EPPK1: variants seen among roughly 807,000 people sequenced by gnomAD.
The protein encoded by EPPK1 is epiplakin.
For synonymous variants in EPPK1, 1,862 were observed against 1,721.2 expected (o/e 1.08, Z -2.03); for missense variants, 3,823 against 3,673.3 (o/e 1.04, Z -1.05).
chr8:143,866,574 G>C lies in EPPK1; in HGVS notation c.6680C>G (p.Ala2227Gly). 6.2e-7 allele frequency: 1 copy of C among 1,610,814 alleles called. No homozygotes were observed. The highest frequency in any genetic ancestry group is 8.5e-7 in the Non-Finnish European group (1 of 1,178,990). ...KRYLEGTSCI[A>G]GVLVPAKDQP... ...GTCCTTGGCGGGCACCAGGACGCCC[G>C]CGATGCAGCTGGTGCCCTCCAGGTA... Residue 2227 changes from alanine (A) to glycine (G), a missense_variant, in exon 2 of 2, where the codon GCG (alanine) becomes GGG (glycine). Ala to Gly is a moderately conservative substitution (Grantham distance 60). Transcript: ENST00000615648.
In EPPK1 at chr8:143,867,336, C is replaced by T. The variant is rs559701261; in HGVS notation, c.5918G>A (p.Arg1973Lys). ...ELRERLLKAERAATGYRDPAT... is the reference protein window; with the variant it reads ...ELRERLLKAEKAATGYRDPAT... ...CGGATCCCTGTAGCCCGTGGCAGCT[C>T]TTTCAGCCTTCAGGAGCCTCTCCCG... Residue 1973 changes from arginine (R) to lysine (K), a missense_variant, in exon 2 of 2, where the codon AGA (arginine) becomes AAA (lysine). Coordinates refer to ENST00000615648, the MANE Select transcript of EPPK1 (RefSeq NM_031308.4). 1 of 1,612,806 alleles carries T rather than the reference C, an allele frequency of 6.2e-7. No homozygotes were observed. The highest frequency in any genetic ancestry group is 8.5e-7 in the Non-Finnish European group (1 of 1,179,854).
Position 143,869,183 on chromosome 8 carries a change from CT to C in EPPK1, c.4070del (p.Gln1357ArgfsTer37). 1 of 1,609,034 alleles carries C rather than the reference CT, an allele frequency of 6.2e-7. No homozygotes were observed. The highest frequency in any genetic ancestry group is 1.3e-5 in the African/African-American group (1 of 75,048). On this transcript the variant is annotated frameshift_variant, in exon 2 of 2. Transcript: ENST00000615648. LOFTEE classifies it low-confidence loss of function (END_TRUNC). ...CCACACCCCCTGTGGCCAGCTGCAC[CT>C]GCAGGAGGGGCAAGCCCTCGTTCTG... Reference protein sequence around the residue: ...VPQNEGLPLLQVQLATGGVVD... With the variant: ...VPQNEGLPLLXVQLATGGVVD...
Position 143,866,721 on chromosome 8 carries a change from C to T in EPPK1, c.6533G>A (p.Arg2178Lys). 1.9e-6 allele frequency: 3 copies of T among 1,613,454 alleles called. No homozygotes were observed. Among genetic ancestry groups the T allele is most frequent in the East Asian group, 2.2e-5 (1 of 44,886 alleles). The stretch of plus-strand genomic sequence containing the variant: ...GAGTTCAGAAGCTGTGATCTGTCGT[C>T]TAATTCCTTGGAACCACAGGTGTTT... ...SNKHLWFQGI[R>K]RQITASELLS... is the part of the protein sequence containing the mutation. The change falls in exon 2 of 2, where the codon AGA becomes AAA. Residue 2178 changes from arginine to lysine, a missense_variant. Transcript: ENST00000615648.
chr8:143,866,414 C>A lies in EPPK1; in HGVS notation c.6840G>T (p.Arg2280Ser). The A allele has an allele frequency of 8.5e-7, 1 of 1,181,692 alleles. No homozygotes were observed. The highest frequency in any genetic ancestry group is 1.6e-5 in the South Asian group (1 of 64,212). The allele number at this position is 1,181,692 out of a possible 1,614,324, so 73.2% of individuals were successfully genotyped here. The change falls in exon 2 of 2, where the codon AGG becomes AGT. Residue 2280 changes from arginine (R) to serine (S), a missense_variant. By Grantham distance (110) the Arg-to-Ser change is moderately radical. Transcript: ENST00000615648. ...CGGCCACGGCCTCCTCCACCGACAG[C>A]CTCAGGTTGCGCACGGGGTCGATGA... ...GFVIDPVRNL[R>S]LSVEEAVAAG...
In EPPK1 at chr8:143,867,163, A is replaced by AG. The variant is rs1334731554; in HGVS notation, c.6090dup (p.Tyr2031LeufsTer67). 1.3e-5 allele frequency: 21 copies of AG among 1,612,668 alleles called. No homozygotes were observed. The highest frequency in any genetic ancestry group is 3.3e-5 in the Admixed American group (2 of 60,010). ...TCCTTGTGCAGACAGCCCCGTCTGT[A>AG]GGCTGTTTCCAGTGGGAGCCGGTGG... On this transcript the variant is annotated frameshift_variant, in exon 2 of 2. Transcript: ENST00000615648. LOFTEE classifies it low-confidence loss of function (END_TRUNC).
chr8:143,866,648 C>A lies in EPPK1; in HGVS notation c.6606G>T (p.Thr2202=), dbSNP rs373331126. 2 of 1,612,956 alleles carry A rather than the reference C, an allele frequency of 1.2e-6. No homozygotes were observed. The highest frequency in any genetic ancestry group is 2.2e-5 in the South Asian group (2 of 91,094). Residue 2202 remains threonine (T), a synonymous_variant, in exon 2 of 2, where the codon ACG becomes ACT. Coordinates refer to ENST00000615648, the MANE Select transcript of EPPK1 (RefSeq NM_031308.4). Reference sequence around the variant, plus strand: ...TGAGCTCTTGCGTCGTGCTCCGTCCCGTTTCCAGGTCCTGGAGCATTTCCT... The same window carrying A: ...TGAGCTCTTGCGTCGTGCTCCGTCCAGTTTCCAGGTCCTGGAGCATTTCCT... ...ITEEMLQDLE[T]GRSTTQELME... is the part of the protein sequence containing the mutation.
chr8:143,867,494 C>T lies in EPPK1; in HGVS notation c.5760G>A (p.Glu1920=). Residue 1920 remains glutamate, a synonymous_variant, in exon 2 of 2, where the codon GAG becomes GAA. Transcript: ENST00000615648. ...VMSLHEASRK[E]LIPAAFATWL... The stretch of plus-strand genomic sequence containing the variant: ...AAGTCGCAAATGCTGCAGGGATGAG[C>T]TCCTTCCTGCTGGCCTCATGGAGGC... The T allele has an allele frequency of 6.2e-7, 1 of 1,612,648 alleles. No homozygotes were observed. The highest frequency in any genetic ancestry group is 8.5e-7 in the Non-Finnish European group (1 of 1,179,820).
rs1554661605 is a variant in EPPK1, at chr8:143,872,530, C to A, written c.724G>T (p.Val242Leu). 3 of 1,601,652 alleles carry A rather than the reference C, an allele frequency of 1.9e-6. No individual in the cohort carries two copies. The change falls in exon 2 of 2, where the codon GTG becomes TTG. Residue 242 changes from valine (V) to leucine (L), a missense_variant. Val to Leu is a conservative substitution (Grantham distance 32). Transcript: ENST00000615648. Reference protein sequence around the residue: ...KITFRSMGGAVSAAELLEVGI... With the variant: ...KITFRSMGGALSAAELLEVGI... ...ACCTCCAGCAGCTCAGCTGCACTCA[C>A]CGCCCCGCCCATGGAGCGGAAGGTG...
rs1819379678 is a variant in EPPK1, at chr8:143,872,278, G to A, written c.976C>T (p.His326Tyr). The change falls in exon 2 of 2, where the codon CAC becomes TAC. Residue 326 changes from histidine (H) to tyrosine (Y), a missense_variant. By Grantham distance (83) the His-to-Tyr change is moderately conservative. Transcript: ENST00000615648. ...CCTGTGATGGGGTCCACCAGGGTGTGGGTGGCAGCCTGGGCCTCTAGGAGT... is the reference window on the plus strand; with the variant it reads ...CCTGTGATGGGGTCCACCAGGGTGTAGGTGGCAGCCTGGGCCTCTAGGAGT... ...LPLLEAQAAT[H>Y]TLVDPITGQR... 1.2e-6 allele frequency: 2 copies of A among 1,606,036 alleles called. No individual in the cohort carries two copies. Among genetic ancestry groups the A allele is most frequent in the Admixed American group, 3.4e-5 (2 of 59,556 alleles).
rs782435054 is a variant in EPPK1, at chr8:143,868,379, C to T, written c.4875G>A (p.Val1625=). 2.5e-6 allele frequency: 4 copies of T among 1,612,724 alleles called. No homozygotes were observed. In the African/African-American group the frequency reaches 5.3e-5, roughly 22 times the overall value. The part of the protein sequence containing the change: ...IDPVENRKLT[V]EEAFKAGMFG... ...ACATTCCTGCTTTGAACGCCTCCTC[C>T]ACGGTCAGCTTCCGGTTCTCCACGG... Residue 1625 remains valine (V), a synonymous_variant, in exon 2 of 2, where the codon GTG becomes GTA. Coordinates refer to ENST00000615648, the MANE Select transcript of EPPK1 (RefSeq NM_031308.4).
chr8:143,867,310 C>G lies in EPPK1; in HGVS notation c.5944G>C (p.Ala1982Pro). 1 of 1,612,560 alleles carries G rather than the reference C, an allele frequency of 6.2e-7. No individual in the cohort carries two copies. The highest frequency in any genetic ancestry group is 8.5e-7 in the Non-Finnish European group (1 of 1,179,712). ...AACAGCGGGATCGTGTCTCCTGTGGCCGGATCCCTGTAGCCCGTGGCAGCT... is the reference window on the plus strand; with the variant it reads ...AACAGCGGGATCGTGTCTCCTGTGGGCGGATCCCTGTAGCCCGTGGCAGCT... ...ERAATGYRDP[A>P]TGDTIPLFQA... The change falls in exon 2 of 2, where the codon GCC (alanine) becomes CCC (proline). Residue 1982 changes from alanine to proline, a missense_variant. Transcript: ENST00000615648.
chr8:143,870,437 G>C lies in EPPK1; in HGVS notation c.2817C>G (p.Pro939=). ...GGTAGAGGCTGAGCCGCTGGCCAGA[G>C]GGCAGCAGCCGCACACCGCCCACAG... ...LGAVGGVRLL[P]SGQRLSLYQA... is the part of the protein sequence containing the mutation. The change falls in exon 2 of 2, where the codon CCC becomes CCG. Residue 939 remains proline (P), a synonymous_variant. Coordinates refer to ENST00000615648, the MANE Select transcript of EPPK1 (RefSeq NM_031308.4). This position sits in a 1 kb window ranked among gnomAD's most constrained non-coding sequence, Gnocchi z 5.2. The C allele has an allele frequency of 6.3e-7, 1 of 1,597,814 alleles. No homozygotes were observed.
chr8:143,872,241 C>A lies in EPPK1; in HGVS notation c.1013G>T (p.Trp338Leu). ...LVDPITGQRL[W>L]VDEAVRAGLV... is the part of the protein sequence containing the mutation. ...GCCCGCCCTGACTGCCTCGTCTACC[C>A]ACAGCCGCTGGCCTGTGATGGGGTC... The change falls in exon 2 of 2, where the codon TGG becomes TTG. Residue 338 changes from tryptophan (W) to leucine (L), a missense_variant. By Grantham distance (61) the Trp-to-Leu change is moderately conservative (BLOSUM62 -2). Coordinates refer to ENST00000615648, the MANE Select transcript of EPPK1 (RefSeq NM_031308.4). The A allele has an allele frequency of 6.2e-7, 1 of 1,609,952 alleles. No individual in the cohort carries two copies.
At position 143,868,717 on chromosome 8, in the gene EPPK1, C is replaced by T. The variant is rs781881083; in HGVS notation, c.4537G>A (p.Glu1513Lys). Reference protein sequence around the residue: ...SAVTTLVEAAERQPLQATFRG... With the variant: ...SAVTTLVEAAKRQPLQATFRG... ...AAGGTGGCCTGCAGGGGCTGCCTCT[C>T]TGCAGCCTCGACCAGGGTGGTGACT... Residue 1513 changes from glutamate to lysine, a missense_variant, in exon 2 of 2, where the codon GAG becomes AAG. Physicochemically the swap from Glu to Lys is moderately conservative, Grantham distance 56. Coordinates refer to ENST00000615648, the MANE Select transcript of EPPK1 (RefSeq NM_031308.4). The T allele has an allele frequency of 3.2e-6, 5 of 1,579,662 alleles. No individual in the cohort carries two copies. The highest frequency in any genetic ancestry group is 2.3e-5 in the South Asian group (2 of 87,254).
At position 143,867,330 on chromosome 8, in the gene EPPK1, G is replaced by A; in HGVS notation, c.5924C>T (p.Ala1975Val). 6.2e-7 allele frequency: 1 copy of A among 1,612,724 alleles called. No individual in the cohort carries two copies. Among genetic ancestry groups the A allele is most frequent in the South Asian group, 1.1e-5 (1 of 91,076 alleles). ...TGTGGCCGGATCCCTGTAGCCCGTG[G>A]CAGCTCTTTCAGCCTTCAGGAGCCT... is the stretch of plus-strand genomic sequence containing the variant. ...RERLLKAERAATGYRDPATGD... is the reference protein window; with the variant it reads ...RERLLKAERAVTGYRDPATGD... Residue 1975 changes from alanine to valine, a missense_variant, in exon 2 of 2, where the codon GCC (alanine) becomes GTC (valine). Ala to Val is a moderately conservative substitution (Grantham distance 64, BLOSUM62 0). Coordinates refer to ENST00000615648, the MANE Select transcript of EPPK1 (RefSeq NM_031308.4).
At position 143,870,312 on chromosome 8, in the gene EPPK1, C is replaced by A; in HGVS notation, c.2942G>T (p.Ser981Ile). Residue 981 changes from serine to isoleucine, a missense_variant, in exon 2 of 2, where the codon AGC becomes ATC. Ser to Ile is a moderately radical substitution (Grantham distance 142). Coordinates refer to ENST00000615648, the MANE Select transcript of EPPK1 (RefSeq NM_031308.4). The surrounding 1 kb of genome is among the most constrained non-coding windows in gnomAD (Gnocchi z 5.2). ...GCGCACGGCCTCATCCACCGAGAGGCTCTCTGGGCTGTGAGGGTCCATGAT... is the reference window on the plus strand; with the variant it reads ...GCGCACGGCCTCATCCACCGAGAGGATCTCTGGGCTGTGAGGGTCCATGAT... ...GTIMDPHSPE[S>I]LSVDEAVRRG... 1 of 1,573,206 alleles carries A rather than the reference C, an allele frequency of 6.4e-7. No individual in the cohort carries two copies. The highest frequency in any genetic ancestry group is 8.6e-7 in the Non-Finnish European group (1 of 1,165,436).
chr8:143,875,422 C>T (rs1362465829), intron 1 of EPPK1, among the ~76,000 whole-genome samples: 1 of 152,262 alleles, frequency 6.6e-6, no homozygotes, highest in Non-Finnish European at 1.5e-5. Context: ...CTCAGAGCCT[C>T]AGACACGGAG....
rs782024887 is a variant in EPPK1, at chr8:143,870,060, T to A, written c.3194A>T (p.Gln1065Leu). ...HHHLPMPVAIQRGYVDQEMET... is the reference protein window; with the variant it reads ...HHHLPMPVAILRGYVDQEMET... ...CATCTCCTGGTCAACATAGCCACGC[T>A]GAATGGCCACTGGCATGGGGAGGTG... is the stretch of plus-strand genomic sequence containing the variant. Residue 1065 changes from glutamine to leucine, a missense_variant, in exon 2 of 2, where the codon CAG becomes CTG. Transcript: ENST00000615648. This position sits in a 1 kb window ranked among gnomAD's most constrained non-coding sequence, Gnocchi z 5.2. 1.2e-6 allele frequency: 2 copies of A among 1,610,664 alleles called. No individual in the cohort carries two copies. The highest frequency in any genetic ancestry group is 3.4e-5 in the Admixed American group (2 of 59,676).
chr8:143,869,157 A>G lies in EPPK1; in HGVS notation c.4097T>C (p.Val1366Ala). 6.2e-7 allele frequency: 1 copy of G among 1,606,938 alleles called. No homozygotes were observed. Among genetic ancestry groups the G allele is most frequent in the Non-Finnish European group, 8.5e-7 (1 of 1,179,406 alleles). The change falls in exon 2 of 2, where the codon GTG becomes GCG. Residue 1366 changes from valine to alanine, a missense_variant. Transcript: ENST00000615648. ...CAGGTGCACCCCGTGGACAGGGTCC[A>G]CCACACCCCCTGTGGCCAGCTGCAC... ...LQVQLATGGV[V>A]DPVHGVHLPQ... is the part of the protein sequence containing the mutation.
Sources: allele counts gnomAD v4.1 joint callset (sites outside exome capture counted in the v4.1 genomes callset), GRCh38; gene constraint gnomAD v4.1.1; non-coding constraint Gnocchi (gnomAD v3.1); transcripts MANE v1.5; gene names NCBI Gene and HGNC (gene_info 2026-07-23, HGNC 2026-07-21).